RAD54B: variants seen among roughly 807,000 people sequenced by gnomAD.
The protein encoded by RAD54B is RAD54 homolog B.
RAD54B carries 78 observed loss-of-function variants against 95.8 expected under a neutral mutation model. The ratio of observed to expected loss-of-function variants is 0.81; its 90% confidence interval spans 0.68 to 0.98. The LOEUF (loss-of-function observed/expected upper bound fraction) is 0.98, where lower values mean the gene tolerates loss of function less well. RAD54B is among the 50% of genes least tolerant of loss of function. The pLI, the probability that RAD54B is intolerant of heterozygous loss-of-function variation, is 0.00. For missense variants in RAD54B, 957 were observed against 1,056.6 expected, an observed-to-expected ratio of 0.91 and a Z score of 1.31; for synonymous variants, 328 against 354.9, an observed-to-expected ratio of 0.92 and a Z score of 0.85.
At chr8:94,440,478 A>C (rs907798605) in intron 3 of RAD54B, among the ~76,000 whole-genome samples, 1 of 152,210 alleles carries the variant, frequency 6.6e-6, no homozygotes, top group African/African-American at 2.4e-5. Flanking sequence ...TATTACGAAT[A>C]TATGTGTAAA....
intron 11 of RAD54B, among the ~76,000 whole-genome samples, chr8:94,381,215 G>A (rs1810730919): frequency 6.6e-6 from 1 of 152,110 alleles, no homozygotes; most frequent in Non-Finnish European, 1.5e-5. Context: ...CCAGCAGCCA[G>A]GCACCCCATA....
intron 11 of RAD54B, among the ~76,000 whole-genome samples, chr8:94,385,597 C>CTTG (rs377005359): frequency 1.4e-4 from 22 of 152,158 alleles, no homozygotes; most frequent in African/African-American, 2.4e-4. Context: ...AGAGCTGAGT[C>CTTG]TTGTTGTTGT....
intron 3 of RAD54B, among the ~76,000 whole-genome samples, chr8:94,445,257 C>G (rs979618487): frequency 3.3e-5 from 5 of 152,172 alleles, no homozygotes; most frequent in African/African-American, 1.2e-4. Context: ...CATGAGGGCT[C>G]CACTCTCATA....
intron 3 of RAD54B, among the ~76,000 whole-genome samples, chr8:94,444,581 C>G (rs1756129390): frequency 6.6e-6 from 1 of 152,126 alleles, no homozygotes. Context: ...CAACTCCATC[C>G]AAATTCTTGC....
intron 3 of RAD54B, among the ~76,000 whole-genome samples, chr8:94,417,707 GAA>G (rs1322108825): frequency 6.9e-6 from 1 of 145,564 alleles, no homozygotes. Context: ...CATATGTCTG[GAA>G]AAAAAAAAAC....
At chr8:94,458,653 G>A (rs866131377) in intron 2 of RAD54B, among the ~76,000 whole-genome samples, 5 of 152,154 alleles carry the variant, frequency 3.3e-5, no homozygotes, top group African/African-American at 1.2e-4. Context: ...AATTACTTGA[G>A]GTCAGGAGTT....
In RAD54B at chr8:94,407,643, C is replaced by G; in HGVS notation, c.577G>C (p.Val193Leu). ...TLMICGKEIE[V>L]MGVISPDDFS... The stretch of plus-strand genomic sequence containing the variant: ...TCATCTGGAGAGATTACACCCATGA[C>G]TTCTATTTCTTTTCCACAAATCATC... The change falls in exon 5 of 15, where the codon GTC becomes CTC. Residue 193 changes from valine to leucine, a missense_variant. Coordinates refer to ENST00000336148, the MANE Select transcript of RAD54B (RefSeq NM_012415.3). 2 of 1,613,990 alleles carry G rather than the reference C, an allele frequency of 1.2e-6. No individual in the cohort carries two copies. Among genetic ancestry groups the G allele is most frequent in the Non-Finnish European group, 1.7e-6 (2 of 1,179,912 alleles).
chr8:94,431,859 A>G, intron 3 of RAD54B: 4 of 1,111,240 alleles, frequency 3.6e-6, no homozygotes, highest in Non-Finnish European at 4.4e-6. Context: ...ATTTGTGTAT[A>G]TCTTAGTGAT....
chr8:94,439,958 G>A (rs900205878), intron 3 of RAD54B, among the ~76,000 whole-genome samples: 1 of 152,186 alleles, frequency 6.6e-6, no homozygotes, highest in Non-Finnish European at 1.5e-5. Flanking sequence ...GGAAAACAAG[G>A]GGAAAGTGGA....
intron 13 of RAD54B, 92 bp from the exon 14 acceptor site, chr8:94,378,472 A>G: frequency 7.1e-7 from 1 of 1,414,892 alleles, no homozygotes; most frequent in East Asian, 2.4e-5. Context: ...AGTTAATAAA[A>G]TAACAATATA....
intron 12 of RAD54B, among the ~76,000 whole-genome samples, chr8:94,379,767 T>C (rs1039884924): frequency 6.6e-6 from 1 of 152,210 alleles, no homozygotes; most frequent in Admixed American, 6.5e-5. Flanking sequence ...TACTATAGCC[T>C]GCATAAACAC....
intron 3 of RAD54B, among the ~76,000 whole-genome samples, chr8:94,451,338 C>A (rs1812652494): frequency 6.6e-6 from 1 of 152,042 alleles, no homozygotes; most frequent in South Asian, 2.1e-4. Context: ...CAGATTATAA[C>A]CCACTGAATA....
chr8:94,430,938 C>G (rs1453357406), intron 3 of RAD54B: 1 of 985,172 alleles, frequency 1.0e-6, no homozygotes, highest in African/African-American at 1.7e-5. Context: ...TGCTTATATA[C>G]TCAATCCACT....
chr8:94,444,041 T>C (rs1384311695), intron 3 of RAD54B, among the ~76,000 whole-genome samples: 1 of 152,136 alleles, frequency 6.6e-6, no homozygotes, highest in East Asian at 1.9e-4. Context: ...ATAAAATTTA[T>C]ATTAAATTTT....
chr8:94,376,273 C>T (rs1586114861), intron 14 of RAD54B, among the ~76,000 whole-genome samples: 1 of 152,012 alleles, frequency 6.6e-6, no homozygotes, highest in African/African-American at 2.4e-5. Flanking sequence ...AACTAAAATA[C>T]ATTTTAAAAC....
At chr8:94,430,748 G>A in intron 3 of RAD54B, 1 of 974,834 alleles carries the variant, frequency 1.0e-6, no homozygotes, top group African/African-American at 1.8e-5. Context: ...TTTAAAATTG[G>A]AAGATTCCTC....
At chr8:94,421,452 C>T (rs1811805243) in intron 3 of RAD54B, among the ~76,000 whole-genome samples, 1 of 152,154 alleles carries the variant, frequency 6.6e-6, no homozygotes, top group African/African-American at 2.4e-5. Flanking sequence ...AGTAGCCTGT[C>T]CACTTGAGCG....
At chr8:94,454,248 A>G (rs1812732080) in intron 3 of RAD54B, among the ~76,000 whole-genome samples, 1 of 152,132 alleles carries the variant, frequency 6.6e-6, no homozygotes, top group Non-Finnish European at 1.5e-5. Context: ...AAAGCAAATT[A>G]GTGGTTGCCA....
At chr8:94,388,923 G>T (rs151152905) in intron 10 of RAD54B, among the ~76,000 whole-genome samples, 2 of 152,214 alleles carry the variant, frequency 1.3e-5, no homozygotes, top group African/African-American at 4.8e-5. Flanking sequence ...TTAAGCTCTA[G>T]GGAAATTATT....
Sources: allele counts gnomAD v4.1 joint callset (sites outside exome capture counted in the v4.1 genomes callset), GRCh38; gene constraint gnomAD v4.1.1; transcripts MANE v1.5; gene names NCBI Gene and HGNC (gene_info 2026-07-23, HGNC 2026-07-21).